Variants in EYS observed in about 807,000 individuals in gnomAD.
EYS encodes protein eyes shut homolog.
EYS carries 250 observed loss-of-function variants against 282.1 expected under a neutral mutation model. The observed-to-expected ratio is 0.89, with a 90% CI of 0.80 to 0.98. The LOEUF is 0.98. Among genes scored for constraint, EYS ranks in the 50% least tolerant of loss-of-function variants. The pLI is 0.00. For missense variants in EYS, 4,016 were observed against 3,709.0 expected (o/e 1.08, Z -2.15); for synonymous variants, 1,355 against 1,282.9 (o/e 1.06, Z -1.20).
chr6:65,096,380 T>C (rs1246818693), intron 12 of EYS, among the ~76,000 whole-genome samples: 2 of 150,852 alleles, frequency 1.3e-5, no homozygotes, highest in Non-Finnish European at 3.0e-5. Context: ...GCTGATTTCA[T>C]GGTTTAGAAG....
At chr6:64,667,774 G>T (rs1452601625) in intron 22 of EYS, among the ~76,000 whole-genome samples, 1 of 151,790 alleles carries the variant, frequency 6.6e-6, no homozygotes, top group Non-Finnish European at 1.5e-5. Flanking sequence ...TCATTTTATT[G>T]TCCATCACAA....
intron 30 of EYS, among the ~76,000 whole-genome samples, chr6:64,256,714 A>C (rs1351889639): frequency 6.6e-6 from 1 of 152,012 alleles, no homozygotes; most frequent in African/African-American, 2.4e-5. Flanking sequence ...CAAAAGTAGT[A>C]ATTAGATTTG....
chr6:64,011,586 G>GT (rs1217403120), intron 33 of EYS, among the ~76,000 whole-genome samples: 6 of 145,496 alleles, frequency 4.1e-5, no homozygotes, highest in African/African-American at 1.6e-4. Context: ...AAGTAAAGTA[G>GT]TTTGTTTTTT....
At chr6:64,512,538 G>A (rs1777441722) in intron 26 of EYS, among the ~76,000 whole-genome samples, 1 of 151,810 alleles carries the variant, frequency 6.6e-6, no homozygotes, top group African/African-American at 2.4e-5. Flanking sequence ...GAGGAAGGAA[G>A]AGGTTAATAA....
At chr6:63,798,141 C>T (rs929940791) in intron 37 of EYS, 19 of 152,218 alleles carry the variant, frequency 1.2e-4, no homozygotes, top group Middle Eastern at 3.4e-3. Context: ...AGTGTATATT[C>T]CCTCTTCAGA....
At chr6:64,181,193 C>A (rs901637632) in intron 31 of EYS, among the ~76,000 whole-genome samples, 2 of 152,078 alleles carry the variant, frequency 1.3e-5, no homozygotes, top group East Asian at 3.9e-4. Context: ...TGACCATAAT[C>A]AAAGACTGTA....
intron 33 of EYS, among the ~76,000 whole-genome samples, chr6:64,058,529 A>G (rs1771061024): frequency 6.6e-6 from 1 of 152,162 alleles, no homozygotes; most frequent in Non-Finnish European, 1.5e-5. Context: ...CAAAATATAA[A>G]TGTATTGTTA....
intron 12 of EYS, among the ~76,000 whole-genome samples, chr6:65,201,817 G>A (rs1470001454): frequency 1.3e-5 from 2 of 152,070 alleles, no homozygotes; most frequent in Non-Finnish European, 2.9e-5. Flanking sequence ...ATGATTTTGT[G>A]TGTGTGTGTG....
intron 22 of EYS, among the ~76,000 whole-genome samples, chr6:64,747,534 C>T (rs140352693): frequency 5.3e-5 from 8 of 152,278 alleles, no homozygotes; most frequent in Admixed American, 3.3e-4. Context: ...GCACGCATCA[C>T]CATGCCCAGC....
intron 2 of EYS, among the ~76,000 whole-genome samples, chr6:65,546,932 G>A (rs182184752): frequency 2.6e-5 from 4 of 152,084 alleles, no homozygotes; most frequent in East Asian, 1.9e-4. Context: ...AGCATTTGCC[G>A]TTAAGTTTTC....
intron 29 of EYS, among the ~76,000 whole-genome samples, chr6:64,318,069 T>A (rs1187032517): frequency 6.6e-6 from 1 of 151,900 alleles, no homozygotes; most frequent in African/African-American, 2.4e-5. Flanking sequence ...GGGAGAAATA[T>A]CTAAAGTTGA....
intron 12 of EYS, among the ~76,000 whole-genome samples, chr6:65,293,901 A>G (rs1198674745): frequency 6.6e-6 from 1 of 151,920 alleles, no homozygotes; most frequent in African/African-American, 2.4e-5. Flanking sequence ...ATTATACTTG[A>G]TATAAAAAGC....
chr6:64,817,318 T>A (rs9351443), intron 21 of EYS, among the ~76,000 whole-genome samples: 65,861 of 152,052 alleles, frequency 0.43, 14,948 homozygotes, highest in East Asian at 0.79. Context: ...ATCTGGATAC[T>A]TGAAAATAAT....
At chr6:64,821,544 C>A (rs1408319236) in intron 21 of EYS, 101 bp downstream of exon 21, 7 of 606,354 alleles carry the variant, frequency 1.2e-5, no homozygotes, top group African/African-American at 3.9e-5. Flanking sequence ...AAATCATCAA[C>A]AACTGTGGAA....
intron 26 of EYS, among the ~76,000 whole-genome samples, chr6:64,586,859 C>G (rs1247490429): frequency 6.6e-6 from 1 of 152,016 alleles, no homozygotes; most frequent in African/African-American, 2.4e-5. Flanking sequence ...TCATGAAGCT[C>G]TGATTGCTCT....
chr6:65,518,590 C>G (rs187769712), intron 2 of EYS, among the ~76,000 whole-genome samples: 2 of 152,194 alleles, frequency 1.3e-5, no homozygotes, highest in African/African-American at 4.8e-5. Flanking sequence ...GTGGTATCAT[C>G]TTAAAATTAG....
intron 5 of EYS, among the ~76,000 whole-genome samples, chr6:65,411,499 T>G (rs2150370082): frequency 6.6e-6 from 1 of 152,152 alleles, no homozygotes; most frequent in African/African-American, 2.4e-5. Flanking sequence ...GGCATTAGCA[T>G]AATATTTGGG....
intron 12 of EYS, among the ~76,000 whole-genome samples, chr6:65,127,138 G>A (rs1200393246): frequency 6.6e-6 from 1 of 152,062 alleles, no homozygotes; most frequent in African/African-American, 2.4e-5. Context: ...GTTTTATTGT[G>A]TGTGAAAATG....
At chr6:65,661,505 A>C (rs1015960786) in intron 1 of EYS, among the ~76,000 whole-genome samples, 3 of 152,056 alleles carry the variant, frequency 2.0e-5, no homozygotes, top group Non-Finnish European at 2.9e-5. Context: ...ATTTAGCTCA[A>C]TAATAAACAC....
Sources: allele counts gnomAD v4.1 joint callset (sites outside exome capture counted in the v4.1 genomes callset), GRCh38; gene constraint gnomAD v4.1.1; transcripts MANE v1.5; gene names NCBI Gene and HGNC (gene_info 2026-07-23, HGNC 2026-07-21).